GRM3: variants seen among roughly 807,000 people sequenced by gnomAD.
GRM3 encodes the protein metabotropic glutamate receptor 3.
In GRM3, 26 loss-of-function variants were observed where a neutral mutation model predicts 70.5. The ratio of observed to expected loss-of-function variants is 0.37; its 90% confidence interval spans 0.27 to 0.51. The LOEUF is 0.51. GRM3 is among the 20% of genes least tolerant of loss of function. GRM3 has a pLI of 0.93. For missense variants in GRM3, 859 were observed against 1,123.8 expected (o/e 0.76, Z 3.37); for synonymous variants, 443 against 434.9 (o/e 1.02, Z -0.23).
At chr7:86,857,840 A>T (rs1798878773) in intron 5 of GRM3, among the ~76,000 whole-genome samples, 1 of 152,190 alleles carries the variant, frequency 6.6e-6, no homozygotes, top group Non-Finnish European at 1.5e-5. Flanking sequence ...AAAGCACAGA[A>T]AAATGATCCT....
intron 3 of GRM3, among the ~76,000 whole-genome samples, chr7:86,837,924 G>C (rs1458047818): frequency 6.6e-6 from 1 of 152,212 alleles, no homozygotes; most frequent in East Asian, 1.9e-4. Context: ...CACAGTAGTA[G>C]AACAGAGTAC....
chr7:86,670,196 C>T, intron 1 of GRM3, among the ~76,000 whole-genome samples: 1 of 152,144 alleles, frequency 6.6e-6, no homozygotes, highest in East Asian at 1.9e-4. Flanking sequence ...AAAATTTGTG[C>T]CTGTGTGTTT....
At chr7:86,694,845 T>C (rs747425644) in intron 1 of GRM3, among the ~76,000 whole-genome samples, 1 of 152,222 alleles carries the variant, frequency 6.6e-6, no homozygotes, top group Non-Finnish European at 1.5e-5. Flanking sequence ...GCTCTATGGA[T>C]TGAAGGAGAA....
chr7:86,700,739 T>C (rs1352990557), intron 1 of GRM3, among the ~76,000 whole-genome samples: 2 of 151,876 alleles, frequency 1.3e-5, no homozygotes, highest in East Asian at 3.9e-4. Context: ...TACAAGTCAT[T>C]TATATAAAAA....
chr7:86,674,727 G>A (rs1169156283), intron 1 of GRM3, among the ~76,000 whole-genome samples: 1 of 151,970 alleles, frequency 6.6e-6, no homozygotes, highest in Non-Finnish European at 1.5e-5. Flanking sequence ...ACAACTTTAA[G>A]TCCCCATTAC....
At chr7:86,714,658 G>T (rs1321541512) in intron 1 of GRM3, among the ~76,000 whole-genome samples, 4 of 152,186 alleles carry the variant, frequency 2.6e-5, no homozygotes, top group African/African-American at 9.6e-5. Flanking sequence ...CATTTAAAAA[G>T]TTATAAAGAT....
At chr7:86,805,831 G>A (rs571609669) in intron 3 of GRM3, among the ~76,000 whole-genome samples, 85 of 152,254 alleles carry the variant, frequency 5.6e-4, no homozygotes, top group African/African-American at 1.9e-3. Flanking sequence ...CATGTGCCAT[G>A]TTGGTGCGTT....
chr7:86,790,496 C>A (rs1342862066), intron 3 of GRM3, among the ~76,000 whole-genome samples: 4 of 152,154 alleles, frequency 2.6e-5, no homozygotes, highest in Admixed American at 2.6e-4. Flanking sequence ...ACATGATAGC[C>A]AGGATGCCCT....
At chr7:86,765,673 G>A (rs1046376566) in intron 2 of GRM3, 60 bp downstream of exon 2, 132 of 1,359,552 alleles carry the variant, frequency 9.7e-5, no homozygotes, top group Non-Finnish European at 1.3e-4. Context: ...TGTGTTGGGG[G>A]AACAAAAGGA....
intron 3 of GRM3, among the ~76,000 whole-genome samples, chr7:86,828,196 T>G (rs1318351070): frequency 6.6e-6 from 1 of 151,318 alleles, no homozygotes; most frequent in Non-Finnish European, 1.5e-5. Context: ...GACATTTGAT[T>G]GACTTATGAA....
intron 1 of GRM3, among the ~76,000 whole-genome samples, chr7:86,664,228 T>C (rs866866407): frequency 2.4e-4 from 37 of 152,056 alleles, no homozygotes; most frequent in Middle Eastern, 3.4e-3. Flanking sequence ...AGACCAGTTA[T>C]GGGATTTTTT....
At position 86,850,515 on chromosome 7, in the gene GRM3, T is replaced by A; in HGVS notation, c.2537T>A (p.Val846Asp). Residue 846 changes from valine to aspartate, a missense_variant, in exon 5 of 6, where the codon GTC becomes GAC. Transcript: ENST00000361669. ...AGACTGCACCTCAACAGGTTCAGTG[T>A]CAGTGGAACTGGGACCACATACTCT... ...THRLHLNRFSVSGTGTTYSQS... is the reference protein window; with the variant it reads ...THRLHLNRFSDSGTGTTYSQS... The A allele has an allele frequency of 1.9e-6, 3 of 1,610,966 alleles. No individual in the cohort carries two copies. Among genetic ancestry groups the A allele is most frequent in the South Asian group, 1.1e-5 (1 of 91,002 alleles).
chr7:86,818,525 C>T (rs1798059773), intron 3 of GRM3, among the ~76,000 whole-genome samples: 1 of 151,974 alleles, frequency 6.6e-6, no homozygotes. Context: ...AGTAAGAACC[C>T]ATTTCATTGG....
chr7:86,651,174 T>C (rs1562813030), intron 1 of GRM3, among the ~76,000 whole-genome samples: 1 of 152,196 alleles, frequency 6.6e-6, no homozygotes, highest in Non-Finnish European at 1.5e-5. Context: ...GCTGTCTTAA[T>C]TGCATGAGCT....
At chr7:86,675,905 C>T (rs1298840588) in intron 1 of GRM3, among the ~76,000 whole-genome samples, 1 of 151,762 alleles carries the variant, frequency 6.6e-6, no homozygotes, top group African/African-American at 2.4e-5. Flanking sequence ...TTTAAGTTCT[C>T]AATAACTTTA....
intron 1 of GRM3, among the ~76,000 whole-genome samples, chr7:86,662,563 AATT>A (rs1328255032): frequency 2.0e-5 from 3 of 151,956 alleles, no homozygotes; most frequent in Non-Finnish European, 1.5e-5. Context: ...ACTGATAATA[AATT>A]ATTTTAATAT....
chr7:86,763,748 C>T (rs1222805284), intron 1 of GRM3, among the ~76,000 whole-genome samples: 3 of 152,086 alleles, frequency 2.0e-5, no homozygotes, highest in Non-Finnish European at 4.4e-5. Context: ...GGGGAGGCAG[C>T]CACCAGCAAT....
chr7:86,864,337 C>A lies in GRM3; in HGVS notation c.2622C>A (p.Ser874=). 1 of 1,611,176 alleles carries A rather than the reference C, an allele frequency of 6.2e-7. No homozygotes were observed. The highest frequency in any genetic ancestry group is 8.5e-7 in the Non-Finnish European group (1 of 1,177,402). ...TVCNGREVLD[S]TTSSL ...GCAATGGGCGGGAAGTCCTCGACTC[C>A]ACCACCTCATCTCTGTGATTGTGAA... is the stretch of plus-strand genomic sequence containing the variant. The change falls in exon 6 of 6, where the codon TCC becomes TCA. Residue 874 remains serine (S), a synonymous_variant. Transcript: ENST00000361669.
intron 3 of GRM3, chr7:86,833,137 GGA>G: frequency 1.0e-6 from 1 of 978,242 alleles, no homozygotes; most frequent in Non-Finnish European, 1.2e-6. Flanking sequence ...CAAATTCCCT[GGA>G]GTTTCTTCAC....
Sources: allele counts gnomAD v4.1 joint callset (sites outside exome capture counted in the v4.1 genomes callset), GRCh38; gene constraint gnomAD v4.1.1; transcripts MANE v1.5; gene names NCBI Gene and HGNC (gene_info 2026-07-23, HGNC 2026-07-21).